Variants in ARHGAP6 observed in about 807,000 individuals in gnomAD.
The protein encoded by ARHGAP6 is Rho GTPase activating protein 6.
Under a neutral mutation model 55.7 loss-of-function variants are expected in ARHGAP6, and 16 were observed. The observed-to-expected ratio is 0.29, with a 90% CI of 0.19 to 0.44. ARHGAP6 has a LOEUF of 0.44. Ranked by LOEUF, ARHGAP6 falls within the 20% of genes least tolerant of loss-of-function variation. ARHGAP6 has a pLI of 1.00. For missense variants in ARHGAP6, 698 were observed against 808.9 expected (o/e 0.86, Z 1.66); for synonymous variants, 382 against 360.9 (o/e 1.06, Z -0.66).
At chrX:11,638,901 C>A (rs1199236148) in intron 1 of ARHGAP6, among the ~76,000 whole-genome samples, 1 of 111,539 alleles carries the variant, frequency 9.0e-6, no homozygotes, top group Non-Finnish European at 1.9e-5. Context: ...ATAATGAACA[C>A]CATTTTTAGA....
At chrX:11,370,585 T>C (rs2049132475) in intron 1 of ARHGAP6, among the ~76,000 whole-genome samples, 2 of 111,952 alleles carry the variant, frequency 1.8e-5, no homozygotes, top group Admixed American at 1.9e-4. Context: ...CTCTACTTAG[T>C]CATTGTAAAA....
intron 1 of ARHGAP6, among the ~76,000 whole-genome samples, chrX:11,530,354 A>G (rs1016243612): frequency 7.1e-5 from 8 of 112,150 alleles, no homozygotes. Flanking sequence ...CAAATTAAAT[A>G]TATTCATAAT....
At chrX:11,270,570 G>T (rs1248704433) in intron 1 of ARHGAP6, among the ~76,000 whole-genome samples, 1 of 112,203 alleles carries the variant, frequency 8.9e-6, no homozygotes, top group Middle Eastern at 4.2e-3. Flanking sequence ...AGTAGAACTA[G>T]CCACTCTCAG....
chrX:11,617,406 T>C (rs2052178395), intron 1 of ARHGAP6, among the ~76,000 whole-genome samples: 1 of 111,898 alleles, frequency 8.9e-6, no homozygotes. Context: ...TCATGCAAAG[T>C]AGCATGAGTA....
At chrX:11,411,599 T>C (rs1189313001) in intron 1 of ARHGAP6, among the ~76,000 whole-genome samples, 1 of 110,413 alleles carries the variant, frequency 9.1e-6, no homozygotes, top group Non-Finnish European at 1.9e-5. Flanking sequence ...AATGGGTGCT[T>C]GGTCAGATCA....
At chrX:11,168,430 A>G (rs933890244) in intron 9 of ARHGAP6, among the ~76,000 whole-genome samples, 18 of 112,511 alleles carry the variant, frequency 1.6e-4, no homozygotes, top group African/African-American at 5.8e-4. Context: ...GAATTGATGC[A>G]TAATGAGTAT....
At chrX:11,394,189 A>C (rs2049447983) in intron 1 of ARHGAP6, among the ~76,000 whole-genome samples, 1 of 112,220 alleles carries the variant, frequency 8.9e-6, no homozygotes, top group Non-Finnish European at 1.9e-5. Context: ...CACATATCCT[A>C]TAAATCTTAG....
intron 1 of ARHGAP6, among the ~76,000 whole-genome samples, chrX:11,492,141 T>G (rs2147849368): frequency 9.3e-6 from 1 of 107,800 alleles, no homozygotes; most frequent in Admixed American, 1.0e-4. Context: ...TTGCGAAAAT[T>G]TTCTCCCATT....
chrX:11,545,704 T>G (rs1418320955), intron 1 of ARHGAP6, among the ~76,000 whole-genome samples: 1 of 111,848 alleles, frequency 8.9e-6, no homozygotes, highest in Non-Finnish European at 1.9e-5. Context: ...CCCCAAAGAC[T>G]GCATGCACTG....
At chrX:11,491,894 A>C (rs948410931) in intron 1 of ARHGAP6, among the ~76,000 whole-genome samples, 7 of 107,550 alleles carry the variant, frequency 6.5e-5, no homozygotes, top group African/African-American at 2.4e-4. Flanking sequence ...TGATTTTTTA[A>C]TGATTGCCAT....
intron 1 of ARHGAP6, among the ~76,000 whole-genome samples, chrX:11,629,507 C>A (rs959736774): frequency 7.2e-5 from 8 of 110,524 alleles, no homozygotes; most frequent in Admixed American, 1.9e-4. Flanking sequence ...CAAACATGAT[C>A]CCTGATCTAA....
chrX:11,552,292 G>A (rs2051273883), intron 1 of ARHGAP6, among the ~76,000 whole-genome samples: 1 of 108,488 alleles, frequency 9.2e-6, no homozygotes, highest in Non-Finnish European at 1.9e-5. Context: ...AGGATGTGGA[G>A]ACAAAGGAAG....
intron 1 of ARHGAP6, among the ~76,000 whole-genome samples, chrX:11,342,301 T>A (rs2048716869): frequency 8.9e-6 from 1 of 111,909 alleles, no homozygotes; most frequent in South Asian, 3.7e-4. Flanking sequence ...GACACATATA[T>A]CATCAATACC....
In ARHGAP6 at chrX:11,664,666, C is replaced by T; in HGVS notation, c.163G>A (p.Gly55Ser). 1.7e-6 allele frequency: 2 copies of T among 1,163,501 alleles called. No individual in the cohort carries two copies. Among genetic ancestry groups the T allele is most frequent in the Non-Finnish European group, 2.3e-6 (2 of 872,078 alleles). Residue 55 changes from glycine to serine, a missense_variant, in exon 1 of 13, where the codon GGC (glycine) becomes AGC (serine). Coordinates refer to ENST00000337414, the MANE Select transcript of ARHGAP6 (RefSeq NM_013427.3). ...GCGSDEAGAE[G>S]SARGATAGRL... ...CCCGCCGTGGCTCCCCGCGCACTGC[C>T]CTCCGCGCCCGCCTCGTCGCTCCCG...
intron 1 of ARHGAP6, among the ~76,000 whole-genome samples, chrX:11,541,377 G>C (rs1169289512): frequency 9.0e-6 from 1 of 110,830 alleles, no homozygotes; most frequent in Non-Finnish European, 1.9e-5. Context: ...GCAAGGGTTT[G>C]AGAGCCCTGT....
intron 2 of ARHGAP6, among the ~76,000 whole-genome samples, chrX:11,205,222 A>G (rs184609074): frequency 9.0e-6 from 1 of 110,907 alleles, no homozygotes; most frequent in African/African-American, 3.3e-5. Flanking sequence ...GTTACTCTCC[A>G]TTATCTAGAG....
intron 1 of ARHGAP6, among the ~76,000 whole-genome samples, chrX:11,283,944 C>A (rs1194067747): frequency 8.9e-6 from 1 of 111,966 alleles, no homozygotes; most frequent in African/African-American, 3.2e-5. Flanking sequence ...ATTATAGCAG[C>A]AACAGGGAAC....
chrX:11,212,637 G>A (rs1235440324), intron 2 of ARHGAP6, among the ~76,000 whole-genome samples: 2 of 112,005 alleles, frequency 1.8e-5, no homozygotes, highest in Non-Finnish European at 3.8e-5. Flanking sequence ...CCAGCTAGGA[G>A]AGAACTGACT....
At chrX:11,488,422 T>A in intron 1 of ARHGAP6, among the ~76,000 whole-genome samples, 1 of 112,109 alleles carries the variant, frequency 8.9e-6, no homozygotes, top group Middle Eastern at 4.6e-3. Context: ...AGTTTAAATT[T>A]ATTTAAAGTA....
Sources: allele counts gnomAD v4.1 joint callset (sites outside exome capture counted in the v4.1 genomes callset), GRCh38; gene constraint gnomAD v4.1.1; transcripts MANE v1.5; gene names NCBI Gene and HGNC (gene_info 2026-07-23, HGNC 2026-07-21).